Variants in LURAP1L observed in about 807,000 individuals in gnomAD.
LURAP1L encodes leucine rich adaptor protein 1 like.
A neutral mutation model predicts 13.8 loss-of-function variants in LURAP1L; 12 were observed. That is an observed-to-expected ratio of 0.87 (90% CI 0.56 to 1.41). LURAP1L has a LOEUF of 1.41. LURAP1L is among the 40% of genes most tolerant of loss of function. The pLI is 0.00. For missense variants in LURAP1L, 375 were observed against 292.9 expected (o/e 1.28, Z -2.04); for synonymous variants, 139 against 119.2 (o/e 1.17, Z -1.08).
intron 1 of LURAP1L, among the ~76,000 whole-genome samples, chr9:12,812,225 A>G (rs747032189): frequency 3.2e-4 from 49 of 152,216 alleles, no homozygotes; most frequent in Non-Finnish European, 5.3e-4. Flanking sequence ...TGTAGATACC[A>G]GAAGAGGGTG....
intron 1 of LURAP1L, among the ~76,000 whole-genome samples, chr9:12,797,026 T>C (rs1233331256): frequency 6.6e-6 from 1 of 152,056 alleles, no homozygotes; most frequent in Non-Finnish European, 1.5e-5. Context: ...TTATTATCAC[T>C]GGGGTTCTTT....
At position 12,821,671 on chromosome 9, in the gene LURAP1L, G is replaced by C; in HGVS notation, c.598G>C (p.Asp200His). 6.2e-7 allele frequency: 1 copy of C among 1,614,138 alleles called. No individual in the cohort carries two copies. The highest frequency in any genetic ancestry group is 1.7e-5 in the Admixed American group (1 of 60,012). Residue 200 changes from aspartate (D) to histidine (H), a missense_variant, in exon 2 of 2, where the codon GAC becomes CAC. Physicochemically the swap from Asp to His is moderately conservative, Grantham distance 81. Transcript: ENST00000319264. ...VPGHQTPSDL[D>H]QFSDSSLIED... The stretch of plus-strand genomic sequence containing the variant: ...AGGCCATCAGACCCCTTCAGACTTG[G>C]ACCAATTCAGTGACAGCTCCCTCAT...
chr9:12,777,755 G>A (rs1819211604), intron 1 of LURAP1L: 1 of 201,716 alleles, frequency 5.0e-6, no homozygotes, highest in Non-Finnish European at 8.8e-6. Context: ...ATCATTTTCT[G>A]ACAAAAATAA....
chr9:12,779,810 C>T (rs753235771), intron 1 of LURAP1L, among the ~76,000 whole-genome samples: 2 of 152,156 alleles, frequency 1.3e-5, no homozygotes, highest in African/African-American at 4.8e-5. Flanking sequence ...AAACATTAAA[C>T]ATGTTAAACT....
chr9:12,816,140 T>C (rs1819802192), intron 1 of LURAP1L, among the ~76,000 whole-genome samples: 1 of 152,194 alleles, frequency 6.6e-6, no homozygotes, highest in Admixed American at 6.5e-5. Context: ...ATCCTGGGAT[T>C]ATCTGATCTG....
chr9:12,794,840 A>G (rs1446998050), intron 1 of LURAP1L, among the ~76,000 whole-genome samples: 2 of 151,802 alleles, frequency 1.3e-5, no homozygotes, highest in Non-Finnish European at 2.9e-5. Flanking sequence ...ATATGTTTTT[A>G]GGCATCAACT....
At chr9:12,806,943 A>G (rs1376443706) in intron 1 of LURAP1L, among the ~76,000 whole-genome samples, 2 of 149,178 alleles carry the variant, frequency 1.3e-5, no homozygotes, top group African/African-American at 5.0e-5. Flanking sequence ...CTTCTGAACA[A>G]CTAAAGTCTT....
At chr9:12,800,391 G>T (rs1819568965) in intron 1 of LURAP1L, among the ~76,000 whole-genome samples, 1 of 152,012 alleles carries the variant, frequency 6.6e-6, no homozygotes, top group Admixed American at 6.6e-5. Flanking sequence ...ATTAGTAGAA[G>T]AATAACATAT....
Position 12,821,843 on chromosome 9 carries a change from T to G in LURAP1L, c.*83T>G. ...GCTGCTATATTTTTGGTGTGATTTT[T>G]ATTTTAATAAGATGACCTTTTTAAA... is the stretch of plus-strand genomic sequence containing the variant. On this transcript the variant is annotated 3_prime_UTR_variant, in exon 2 of 2. Transcript: ENST00000319264. 6.8e-7 allele frequency: 1 copy of G among 1,480,764 alleles called. No homozygotes were observed. Among genetic ancestry groups the G allele is most frequent in the Non-Finnish European group, 9.0e-7 (1 of 1,109,816 alleles). 91.7% of individuals were successfully genotyped at this position (1,480,764 alleles called of 1,614,324 possible).
intron 1 of LURAP1L, among the ~76,000 whole-genome samples, chr9:12,802,045 C>T (rs1819592938): frequency 6.6e-6 from 1 of 152,148 alleles, no homozygotes; most frequent in African/African-American, 2.4e-5. Flanking sequence ...AAGAGTTAGC[C>T]TCCATTCCAG....
rs145618245 is a variant in LURAP1L at position 12,821,442 on chromosome 9, G to C, written c.369G>C (p.Glu123Asp). Residue 123 changes from glutamate to aspartate, a missense_variant, in exon 2 of 2, where the codon GAG becomes GAC. Transcript: ENST00000319264. ...TGCGCCAGTTGCTTGTAATCAATGA[G>C]AGCATCGAGTCCATCAAGTGGATGA... ...RLMRQLLVINESIESIKWMIE... is the reference protein window; with the variant it reads ...RLMRQLLVINDSIESIKWMIE... 9.9e-6 allele frequency: 16 copies of C among 1,613,992 alleles called. No individual in the cohort carries two copies. Among genetic ancestry groups the C allele is most frequent in the Non-Finnish European group, 1.4e-5 (16 of 1,180,026 alleles).
At chr9:12,789,964 AAAT>A (rs1819418104) in intron 1 of LURAP1L, among the ~76,000 whole-genome samples, 1 of 152,236 alleles carries the variant, frequency 6.6e-6, no homozygotes, top group Non-Finnish European at 1.5e-5. Flanking sequence ...TATTGCAAAT[AAAT>A]AATAATACAC....
At chr9:12,802,495 C>T (rs1819600459) in intron 1 of LURAP1L, among the ~76,000 whole-genome samples, 1 of 152,196 alleles carries the variant, frequency 6.6e-6, no homozygotes, top group African/African-American at 2.4e-5. Flanking sequence ...CTTTTGCCTT[C>T]CTCCATGACA....
At chr9:12,807,680 A>T (rs1785033344) in intron 1 of LURAP1L, among the ~76,000 whole-genome samples, 1 of 152,126 alleles carries the variant, frequency 6.6e-6, no homozygotes. Flanking sequence ...ATTTAAAGTG[A>T]TTGATATAGT....
At chr9:12,788,151 G>A (rs1586877086) in intron 1 of LURAP1L, among the ~76,000 whole-genome samples, 1 of 115,970 alleles carries the variant, frequency 8.6e-6, no homozygotes, top group Non-Finnish European at 1.8e-5. Context: ...AGAGAAAGAA[G>A]AAAGAAAGAA....
intron 1 of LURAP1L, among the ~76,000 whole-genome samples, chr9:12,816,863 T>G (rs1470850143): frequency 6.6e-6 from 1 of 152,200 alleles, no homozygotes; most frequent in African/African-American, 2.4e-5. Flanking sequence ...GGAAAGGACA[T>G]CCACATCTCT....
rs71329889 is a variant in LURAP1L, at chr9:12,807,094, A to AATATATATAT, written c.313-14277_313-14268dup. 5.4e-4 allele frequency among the ~76,000 whole-genome samples: 63 copies of AATATATATAT among 116,156 alleles called. 2 individuals carry two copies. The highest frequency in any genetic ancestry group is 2.5e-3 in the Admixed American group (24 of 9,480). 76.2% of individuals were successfully genotyped at this position (116,156 alleles called of 152,430 possible). A position where few individuals can be genotyped will look rare whatever the true frequency, so the allele number is the denominator to read the frequency against. On this transcript the variant is annotated intron_variant, in intron 1 of 1. Transcript: ENST00000319264. The stretch of plus-strand genomic sequence containing the variant: ...CACGGCGAAGCCCTGTCTCTACTAA[A>AATATATATAT]ATATATATATATATATATATATATT...
intron 1 of LURAP1L, among the ~76,000 whole-genome samples, chr9:12,798,603 A>T (rs1012803509): frequency 1.3e-5 from 2 of 152,110 alleles, no homozygotes; most frequent in Non-Finnish European, 2.9e-5. Context: ...TGCTTTTATC[A>T]CCCTCATTTG....
At chr9:12,819,785 T>A (rs915427356) in intron 1 of LURAP1L, among the ~76,000 whole-genome samples, 1 of 152,004 alleles carries the variant, frequency 6.6e-6, no homozygotes, top group African/African-American at 2.4e-5. Context: ...AAACCCTGTC[T>A]CCACTAAAAA....
Sources: allele counts gnomAD v4.1 joint callset (sites outside exome capture counted in the v4.1 genomes callset), GRCh38; gene constraint gnomAD v4.1.1; transcripts MANE v1.5; gene names NCBI Gene and HGNC (gene_info 2026-07-23, HGNC 2026-07-21).